Variants in CDK6 observed in about 807,000 individuals in gnomAD.
The protein encoded by CDK6 is cyclin-dependent kinase 6.
CDK6 carries 6 observed loss-of-function variants against 37.1 expected under a neutral mutation model. That is an observed-to-expected ratio of 0.16 (90% confidence interval 0.09 to 0.32). The LOEUF (loss-of-function observed/expected upper bound fraction) is 0.32. CDK6 is among the 10% of genes least tolerant of loss of function. CDK6 has a pLI of 1.00. For synonymous variants in CDK6, 160 were observed against 161.3 expected (o/e 0.99, Z 0.06); for missense variants, 224 against 418.9 (o/e 0.53, Z 4.06).
chr7:92,767,113 T>G (rs1799600928), intron 3 of CDK6, among the ~76,000 whole-genome samples: 1 of 152,340 alleles, frequency 6.6e-6, no homozygotes, highest in Admixed American at 6.5e-5. Context: ...TCTTTTACAT[T>G]AATGTAGCTT....
intron 3 of CDK6, among the ~76,000 whole-genome samples, chr7:92,759,467 T>C (rs1280935267): frequency 2.6e-5 from 4 of 152,100 alleles, no homozygotes; most frequent in Non-Finnish European, 5.9e-5. Context: ...ACACCAATTT[T>C]AGCTACTATA....
intron 3 of CDK6, among the ~76,000 whole-genome samples, chr7:92,755,889 T>C (rs1003188508): frequency 6.6e-6 from 1 of 152,084 alleles, no homozygotes; most frequent in Non-Finnish European, 1.5e-5. Flanking sequence ...GTTTAAAAAT[T>C]CTATGCATGG....
At chr7:92,685,911 C>T (rs1010536632) in intron 4 of CDK6, among the ~76,000 whole-genome samples, 4 of 152,174 alleles carry the variant, frequency 2.6e-5, no homozygotes, top group African/African-American at 4.8e-5. Flanking sequence ...AGCTGCTTTC[C>T]GTTCTTTTGT....
At chr7:92,766,217 G>C (rs1799576512) in intron 3 of CDK6, among the ~76,000 whole-genome samples, 1 of 152,194 alleles carries the variant, frequency 6.6e-6, no homozygotes, top group African/African-American at 2.4e-5. Context: ...AAAGGGGCAG[G>C]AGCAGAAGTG....
At chr7:92,747,080 T>C (rs1040994557) in intron 3 of CDK6, among the ~76,000 whole-genome samples, 2 of 152,186 alleles carry the variant, frequency 1.3e-5, no homozygotes, top group Non-Finnish European at 2.9e-5. Context: ...GTTATTGCAG[T>C]GCCCTGAGAT....
chr7:92,619,859 T>C (rs942648895), intron 6 of CDK6, among the ~76,000 whole-genome samples: 2 of 152,058 alleles, frequency 1.3e-5, no homozygotes, highest in African/African-American at 4.8e-5. Flanking sequence ...ATTTGTTCAA[T>C]AGTACAGCCT....
rs376045874 is a variant in CDK6 at position 92,618,192 on chromosome 7, T to G, written c.714A>C (p.Pro238=). The G allele has an allele frequency of 7.4e-6, 12 of 1,613,946 alleles. No homozygotes were observed. The highest frequency in any genetic ancestry group is 8.5e-6 in the Non-Finnish European group (10 of 1,179,952). The change falls in exon 7 of 8, where the codon CCA becomes CCC. Residue 238 remains proline (P), a synonymous_variant. Transcript: ENST00000424848. ...CATCTCTAGGCCAGTCTTCTTCTCC[T>G]GGGAGTCCAATCACGCTACAAAAGA... ...LGKILDVIGL[P]GEEDWPRDVA... is the part of the protein sequence containing the mutation.
At chr7:92,801,513 G>A (rs1420382696) in intron 2 of CDK6, among the ~76,000 whole-genome samples, 3 of 152,084 alleles carry the variant, frequency 2.0e-5, no homozygotes, top group Non-Finnish European at 4.4e-5. Flanking sequence ...AATGGTTAAG[G>A]TGTCCTGCCC....
rs1033232244 is a variant in CDK6, at chr7:92,609,572, A to C, written c.*5568T>G. 1 of 229,858 alleles carries C rather than the reference A, an allele frequency of 4.4e-6. No individual in the cohort carries two copies. Among genetic ancestry groups the C allele is most frequent in the Non-Finnish European group, 8.6e-6 (1 of 116,080 alleles). 14.2% of individuals were successfully genotyped at this position (229,858 alleles called of 1,614,324 possible). On this transcript the variant is annotated 3_prime_UTR_variant, in exon 8 of 8. Coordinates refer to ENST00000424848, the MANE Select transcript of CDK6 (RefSeq NM_001145306.2). ...AAAAGTTTTGTCTACTGAATTACTG[A>C]TGTGCTACTCATTTTGCTCACCTGA...
chr7:92,816,350 G>A (rs1046090049), intron 2 of CDK6, among the ~76,000 whole-genome samples: 15 of 152,150 alleles, frequency 9.9e-5, no homozygotes, highest in Admixed American at 3.3e-4. Context: ...ACAGTGAGGA[G>A]AAAATTGGAA....
At chr7:92,796,675 C>CA (rs978249342) in intron 2 of CDK6, among the ~76,000 whole-genome samples, 71 of 151,228 alleles carry the variant, frequency 4.7e-4, no homozygotes, top group African/African-American at 6.3e-4. Flanking sequence ...TATCAAAATT[C>CA]AAAAAAAACC....
rs552232745 is a variant in CDK6, at chr7:92,687,120, A to G, written c.538-15585T>C. ...AACTCTGACATATGGCAAAAATAGAAGCAGGGCCTCGTGATACCCTCTGTG... is the reference window on the plus strand; with the variant it reads ...AACTCTGACATATGGCAAAAATAGAGGCAGGGCCTCGTGATACCCTCTGTG... On this transcript the variant is annotated intron_variant, in intron 4 of 7. Coordinates refer to ENST00000424848, the MANE Select transcript of CDK6 (RefSeq NM_001145306.2). Among the ~76,000 whole-genome samples the G allele has an allele frequency of 2.0e-5, 3 of 152,322 alleles. No homozygotes were observed. The South Asian group carries it at 6.2e-4, about 32-fold the overall frequency.
rs373488172 is a variant in CDK6, at chr7:92,623,076, G to A, written c.658C>T (p.Arg220Cys). The change falls in exon 6 of 8, where the codon CGT becomes TGT. Residue 220 changes from arginine (R) to cysteine (C), a missense_variant. This residue lies in a region of CDK6 where 90 missense variants were observed against 136.2 expected (regional missense o/e 0.66). Coordinates refer to ENST00000424848, the MANE Select transcript of CDK6 (RefSeq NM_001145306.2). The stretch of plus-strand genomic sequence containing the variant: ...AGTTGATCAACATCTGAACTTCCAC[G>A]AAAAAGAGGCCTAAAAGAATAAAGA... ...AEMFRRKPLF[R>C]GSSDVDQLGK... 17 of 1,580,426 alleles carry A rather than the reference G, an allele frequency of 1.1e-5. No individual in the cohort carries two copies. Among genetic ancestry groups the A allele is most frequent in the African/African-American group, 1.4e-5 (1 of 73,918 alleles).
chr7:92,784,906 C>A (rs995705591), intron 2 of CDK6, among the ~76,000 whole-genome samples: 2 of 152,102 alleles, frequency 1.3e-5, no homozygotes, highest in Non-Finnish European at 2.9e-5. Flanking sequence ...ATTAGGAAAG[C>A]GTGGCATTCT....
intron 4 of CDK6, among the ~76,000 whole-genome samples, chr7:92,714,304 C>T (rs903468074): frequency 1.3e-5 from 2 of 151,968 alleles, no homozygotes; most frequent in Admixed American, 6.6e-5. Flanking sequence ...TTTAGTGACA[C>T]GGAAGCATAA....
intron 7 of CDK6, among the ~76,000 whole-genome samples, chr7:92,617,220 C>T (rs1480040268): frequency 1.3e-5 from 2 of 152,132 alleles, no homozygotes; most frequent in Non-Finnish European, 2.9e-5. Context: ...GGCAGAGTGG[C>T]GGGTACTTCT....
Position 92,833,384 on chromosome 7 carries a change from C to T in CDK6, c.-61G>A. ...GCGGGCGGGGGGTGCGCTCAACTAG[C>T]TGGCGGCCGCCGCTCGCCTACTCCG... On this transcript the variant is annotated 5_prime_UTR_variant, in exon 2 of 8. Transcript: ENST00000424848. The surrounding 1 kb of genome is among the most constrained non-coding windows in gnomAD (Gnocchi z 6.1). 1 of 1,213,740 alleles carries T rather than the reference C, an allele frequency of 8.2e-7. No individual in the cohort carries two copies. Among genetic ancestry groups the T allele is most frequent in the Non-Finnish European group, 1.1e-6 (1 of 884,644 alleles). The allele number at this position is 1,213,740 out of a possible 1,614,324, so 75.2% of individuals were successfully genotyped here. A position where few individuals can be genotyped will look rare whatever the true frequency, so the allele number is the denominator to read the frequency against.
chr7:92,715,820 G>A (rs752147076), intron 4 of CDK6, among the ~76,000 whole-genome samples: 2 of 152,166 alleles, frequency 1.3e-5, no homozygotes, highest in Non-Finnish European at 2.9e-5. Flanking sequence ...ATGACTAAGG[G>A]AAACTGCAAT....
At chr7:92,645,974 T>C (rs987069454) in intron 5 of CDK6, among the ~76,000 whole-genome samples, 17 of 152,218 alleles carry the variant, frequency 1.1e-4, no homozygotes, top group Admixed American at 6.5e-4. Flanking sequence ...CCAACGGTGA[T>C]TGTGCATACA....
Sources: gnomAD v4.1 joint callset for allele counts (sites outside exome capture counted in the v4.1 genomes callset) on GRCh38, gnomAD v4.1.1 for gene constraint, gnomAD v4.1.1 regional missense constraint, Gnocchi (gnomAD v3.1) non-coding constraint, MANE v1.5 for transcripts, NCBI Gene and HGNC (gene_info 2026-07-23, HGNC 2026-07-21) for gene names.